Variants in CDH3 observed in about 807,000 individuals in gnomAD.
The protein encoded by CDH3 is cadherin-3.
Under a neutral mutation model 82.0 loss-of-function variants are expected in CDH3, and 54 were observed. That is an observed-to-expected ratio of 0.66 (90% CI 0.53 to 0.83). CDH3 has a LOEUF of 0.83. Ranked by LOEUF, CDH3 falls within the 40% of genes least tolerant of loss-of-function variation. The probability of loss-of-function intolerance (pLI) is 0.00; values close to 1 mark genes in which losing one functional copy is unlikely to be tolerated. For synonymous variants in CDH3, 446 were observed against 437.9 expected (o/e 1.02, Z -0.23); for missense variants, 1,054 against 1,084.6 (o/e 0.97, Z 0.40).
At position 68,684,800 on chromosome 16, in the gene CDH3, C is replaced by A. The variant is rs1452474014; in HGVS notation, c.1400C>A (p.Pro467His). The change falls in exon 10 of 16, where the codon CCT becomes CAT. Residue 467 changes from proline (P) to histidine (H), a missense_variant. Pro to His is a moderately conservative substitution (Grantham distance 77). Transcript: ENST00000264012. ...EPVCVYTAED[P>H]DKENQKISYR... ...GTGTGTGTCTACACTGCAGAAGACC[C>A]TGACAAGGAGAATCAAAAGATCAGG... 1 of 1,614,058 alleles carries A rather than the reference C, an allele frequency of 6.2e-7. No individual in the cohort carries two copies. Among genetic ancestry groups the A allele is most frequent in the African/African-American group, 1.3e-5 (1 of 74,930 alleles).
chr16:68,702,404 C>A (rs980517538), downstream of CDH3, among the ~76,000 whole-genome samples: 1 of 152,226 alleles, frequency 6.6e-6, no homozygotes, highest in South Asian at 2.1e-4. Flanking sequence ...GGGTCGGGGG[C>A]AGGAGATGGG....
At chr16:68,721,816 G>A (rs562855363) in intron 1 of CDH3, among the ~76,000 whole-genome samples, 8 of 152,230 alleles carry the variant, frequency 5.3e-5, no homozygotes, top group South Asian at 2.1e-4. Flanking sequence ...TTGGCCAGGC[G>A]TGGTGGCTCA....
At chr16:68,646,977 A>T (rs1567433832) in intron 2 of CDH3, among the ~76,000 whole-genome samples, 2 of 113,140 alleles carry the variant, frequency 1.8e-5, no homozygotes, top group African/African-American at 6.7e-5. Context: ...GGCCCTTTTT[A>T]AAAAAATTCT....
At chr16:68,733,307 G>C in the CDH3 span, among the ~76,000 whole-genome samples, 7 of 152,252 alleles carry the variant, frequency 4.6e-5, no homozygotes, top group African/African-American at 1.4e-4. Context: ...ATTTGTTGGG[G>C]AGATGGGGTT....
rs140842234 is a variant in CDH3, at chr16:68,691,240, G to A, written c.1796-480G>A. On this transcript the variant is annotated intron_variant, in intron 12 of 15. Coordinates refer to ENST00000264012, the MANE Select transcript of CDH3 (RefSeq NM_001793.6). ...AGGATGGTCTCGATCTCTTGACCTC[G>A]TGATCTGCCCACTTCGGCCTCTCAA... Among the ~76,000 whole-genome samples the A allele has an allele frequency of 8.3e-3, 1,256 of 152,026 alleles. 15 individuals are homozygous for A. The highest frequency in any genetic ancestry group is 0.028 in the African/African-American group (1,144 of 41,508).
rs1180237374 is a variant in CDH3 at position 68,682,464 on chromosome 16, C to T, written c.1159C>T (p.Gln387Ter). 3 of 1,613,972 alleles carry T rather than the reference C, an allele frequency of 1.9e-6. No homozygotes were observed. Among genetic ancestry groups the T allele is most frequent in the Non-Finnish European group, 2.5e-6 (3 of 1,180,032 alleles). The change falls in exon 9 of 16, where the codon CAG becomes TAG. Residue 387 changes from glutamine to a stop codon, truncating the protein, a stop_gained. Coordinates refer to ENST00000264012, the MANE Select transcript of CDH3 (RefSeq NM_001793.6). LOFTEE classifies it high-confidence loss of function. ...FTITTHPESN[Q>*]GILTTRKGLD... ...CATCACCACCCACCCTGAGAGCAAC[C>T]AGGGCATCCTGACAACCAGGAAGGT...
intron 15 of CDH3, chr16:68,696,233 A>G (rs1430821570): frequency 2.6e-6 from 1 of 382,352 alleles, no homozygotes; most frequent in African/African-American, 2.1e-5. Context: ...AGCCTGGCCA[A>G]CATGGCGAAA....
chr16:68,708,583 A>G (rs1253136693), intron 1 of CDH3, among the ~76,000 whole-genome samples: 1 of 148,822 alleles, frequency 6.7e-6, no homozygotes, highest in Non-Finnish European at 1.5e-5. Context: ...GCAGCCCTGC[A>G]CCCCCCAATG....
chr16:68,645,517 G>T, intron 1 of CDH3, 93 bp downstream of exon 1: 1 of 1,481,244 alleles, frequency 6.8e-7, no homozygotes, highest in Non-Finnish European at 9.2e-7. Context: ...GAGAGCGCGG[G>T]GCTGCGCTCC....
Position 68,698,313 on chromosome 16 carries a change from C to A in CDH3, c.2403C>A (p.Asp801Glu). The change falls in exon 16 of 16, where the codon GAC becomes GAA. Residue 801 changes from aspartate (D) to glutamate (E), a missense_variant. Physicochemically the swap from Asp to Glu is conservative, Grantham distance 45. Transcript: ENST00000264012. ...GCTCCCTCACCTCCTCCGCCTCCGA[C>A]CAAGACCAAGATTACGATTATCTGA... ...SLSSLTSSAS[D>E]QDQDYDYLNE... 1 of 1,614,238 alleles carries A rather than the reference C, an allele frequency of 6.2e-7. No homozygotes were observed. Among genetic ancestry groups the A allele is most frequent in the Non-Finnish European group, 8.5e-7 (1 of 1,180,032 alleles).
chr16:68,693,193 G>A (rs758657001), intron 13 of CDH3, among the ~76,000 whole-genome samples: 1 of 152,214 alleles, frequency 6.6e-6, no homozygotes, highest in Non-Finnish European at 1.5e-5. Flanking sequence ...ATAGGTTATT[G>A]TGAAGACTCT....
At chr16:68,646,224 T>G in intron 2 of CDH3, 2 of 168,962 alleles carry the variant, frequency 1.2e-5, no homozygotes, top group Non-Finnish European at 2.5e-5. Context: ...CGAGCTTCCC[T>G]ACCCCGCCCC....
intron 2 of CDH3, among the ~76,000 whole-genome samples, chr16:68,723,659 G>A (rs183108192): frequency 2.0e-5 from 3 of 152,214 alleles, no homozygotes; most frequent in Non-Finnish European, 2.9e-5. Flanking sequence ...GGCCAGACAC[G>A]GTGGCTCACG....
chr16:68,674,308 G>A (rs1960972179), intron 2 of CDH3, among the ~76,000 whole-genome samples: 1 of 152,106 alleles, frequency 6.6e-6, no homozygotes, highest in South Asian at 2.1e-4. Flanking sequence ...CTTTTCATGT[G>A]CTTATTGGCC....
intron 2 of CDH3, among the ~76,000 whole-genome samples, chr16:68,655,895 G>A (rs1423161594): frequency 1.3e-5 from 2 of 152,094 alleles, no homozygotes; most frequent in African/African-American, 2.4e-5. Flanking sequence ...GGGGAGGTGG[G>A]AAAGGAGTGA....
intron 1 of CDH3, among the ~76,000 whole-genome samples, chr16:68,713,067 C>T (rs767769536): frequency 6.6e-6 from 1 of 152,042 alleles, no homozygotes; most frequent in African/African-American, 2.4e-5. Context: ...GTGATCTCCC[C>T]GCCCTTCTGT....
At chr16:68,717,645 C>A (rs1379756239) in intron 1 of CDH3, among the ~76,000 whole-genome samples, 1 of 151,988 alleles carries the variant, frequency 6.6e-6, no homozygotes, top group Non-Finnish European at 1.5e-5. Context: ...TGGTGGCAGG[C>A]ACCTGTAATC....
chr16:68,651,378 G>C (rs1453548270), intron 2 of CDH3: 1 of 553,714 alleles, frequency 1.8e-6, no homozygotes, highest in Non-Finnish European at 3.7e-6. Context: ...ATGGTTCTTG[G>C]GGCTGTAGAG....
intron 1 of CDH3, among the ~76,000 whole-genome samples, chr16:68,719,502 CT>C (rs71148939): frequency 5.5e-4 from 41 of 74,506 alleles, no homozygotes; most frequent in African/African-American, 1.6e-3. Flanking sequence ...TGGAACTGTT[CT>C]TTTTTTTTTT....
Sources: allele counts gnomAD v4.1 joint callset (sites outside exome capture counted in the v4.1 genomes callset), GRCh38; gene constraint gnomAD v4.1.1; transcripts MANE v1.5; gene names NCBI Gene and HGNC (gene_info 2026-07-23, HGNC 2026-07-21).